The following CDC20B variants were observed in gnomAD, a reference collection of about 807,000 sequenced individuals.
CDC20B encodes cell division cycle protein 20 homolog B.
In CDC20B, 58 loss-of-function variants were observed where a neutral mutation model predicts 64.1. That is an observed-to-expected ratio of 0.90 (90% CI 0.73 to 1.13). The LOEUF is 1.13. CDC20B is among the 50% of genes most tolerant of loss of function. The pLI is 0.00. For synonymous variants in CDC20B, 243 were observed against 230.6 expected (o/e 1.05, Z -0.49); for missense variants, 597 against 633.0 (o/e 0.94, Z 0.61).
At chr5:55,148,855 T>C (rs1743579192) in intron 2 of CDC20B, among the ~76,000 whole-genome samples, 1 of 152,210 alleles carries the variant, frequency 6.6e-6, no homozygotes, top group East Asian at 1.9e-4. Context: ...GCAGATCTTA[T>C]TTACGCCCAT....
intron 2 of CDC20B, among the ~76,000 whole-genome samples, chr5:55,169,937 C>A (rs1371257574): frequency 6.6e-6 from 1 of 152,080 alleles, no homozygotes; most frequent in African/African-American, 2.4e-5. Flanking sequence ...CACGGTGAAA[C>A]CCCGTCTCTA....
chr5:55,146,163 T>C (rs1250543303), intron 3 of CDC20B, among the ~76,000 whole-genome samples: 1 of 152,160 alleles, frequency 6.6e-6, no homozygotes, highest in African/African-American at 2.4e-5. Context: ...GGATGTAAAC[T>C]AACTGAAAGC....
intron 2 of CDC20B, among the ~76,000 whole-genome samples, chr5:55,149,992 G>A (rs1743615696): frequency 6.6e-6 from 1 of 152,086 alleles, no homozygotes; most frequent in Non-Finnish European, 1.5e-5. Flanking sequence ...AAATTAGCCA[G>A]CCGTGGTGGC....
intron 2 of CDC20B, chr5:55,161,298 T>C: frequency 1.3e-6 from 2 of 1,550,196 alleles, no homozygotes; most frequent in Non-Finnish European, 1.8e-6. Context: ...TTGCTTTTCA[T>C]TTTTAAACAA....
At chr5:55,129,271 T>G (rs1222402429) in intron 6 of CDC20B, among the ~76,000 whole-genome samples, 2 of 152,078 alleles carry the variant, frequency 1.3e-5, no homozygotes, top group African/African-American at 4.8e-5. Context: ...TCCGTCCCCA[T>G]GATAAATATA....
At chr5:55,157,256 A>C (rs1743838206) in intron 2 of CDC20B, among the ~76,000 whole-genome samples, 1 of 152,216 alleles carries the variant, frequency 6.6e-6, no homozygotes. Context: ...GAGTTAGTAT[A>C]GACAGAACAT....
At chr5:55,138,740 A>C (rs1373780871) in intron 5 of CDC20B, among the ~76,000 whole-genome samples, 1 of 151,988 alleles carries the variant, frequency 6.6e-6, no homozygotes, top group Non-Finnish European at 1.5e-5. Flanking sequence ...TGTAAAAAAA[A>C]AAAAAGGAAC....
At chr5:55,170,406 T>C in intron 2 of CDC20B, 1 of 402,596 alleles carries the variant, frequency 2.5e-6, no homozygotes, top group Non-Finnish European at 5.2e-6. Flanking sequence ...AAACTGTGCA[T>C]TGTAAGTATT....
At chr5:55,163,390 A>C (rs148601699) in intron 2 of CDC20B, among the ~76,000 whole-genome samples, 1 of 152,042 alleles carries the variant, frequency 6.6e-6, no homozygotes, top group African/African-American at 2.4e-5. Flanking sequence ...TAAGGTGATT[A>C]TTCACTTTGG....
chr5:55,125,872 C>T (rs1034198348), intron 8 of CDC20B, among the ~76,000 whole-genome samples: 3 of 152,170 alleles, frequency 2.0e-5, no homozygotes, highest in African/African-American at 7.2e-5. Context: ...AACCATGTGA[C>T]TTCAGGCTAG....
At chr5:55,146,302 C>T (rs1743472548) in intron 3 of CDC20B, among the ~76,000 whole-genome samples, 1 of 152,202 alleles carries the variant, frequency 6.6e-6, no homozygotes, top group Admixed American at 6.5e-5. Context: ...CTACGCACTT[C>T]CAATTCCTAT....
At chr5:55,119,344 AG>A (rs1487453905) in intron 11 of CDC20B, among the ~76,000 whole-genome samples, 4 of 152,160 alleles carry the variant, frequency 2.6e-5, no homozygotes, top group Admixed American at 6.5e-5. Flanking sequence ...ACCCAGTAAA[AG>A]TTTGTAGAAC....
At chr5:55,145,299 T>C (rs1246668035) in intron 3 of CDC20B, among the ~76,000 whole-genome samples, 1 of 152,256 alleles carries the variant, frequency 6.6e-6, no homozygotes, top group African/African-American at 2.4e-5. Context: ...GGGAATTTCA[T>C]TGATTTGAAA....
rs556719297 is a variant in CDC20B at position 55,124,982 on chromosome 5, G to C, written c.1036C>G (p.Gln346Glu). Residue 346 changes from glutamine to glutamate, a missense_variant, in exon 9 of 12, where the codon CAG (glutamine) becomes GAG (glutamate). Gln to Glu is a conservative substitution (Grantham distance 29). Coordinates refer to ENST00000381375, the MANE Select transcript of CDC20B (RefSeq NM_001170402.1). The stretch of plus-strand genomic sequence containing the variant: ...TGGCGAAGTGTTCCAACATGATGCT[G>C]GGCTACCCGAACATCGTGATGATAA... Reference protein sequence around the residue: ...RVYHHDVRVAQHHVGTLRHKQ... With the variant: ...RVYHHDVRVAEHHVGTLRHKQ... 1.9e-6 allele frequency: 3 copies of C among 1,613,952 alleles called. No individual in the cohort carries two copies. In the South Asian group the frequency reaches 3.3e-5, roughly 18 times the overall value.
At chr5:55,158,873 GAAA>G (rs1370979821) in intron 2 of CDC20B, among the ~76,000 whole-genome samples, 1 of 152,134 alleles carries the variant, frequency 6.6e-6, no homozygotes, top group African/African-American at 2.4e-5. Flanking sequence ...GAAATAAAGA[GAAA>G]AAACGAAGCA....
chr5:55,125,729 C>T (rs957331049), intron 8 of CDC20B, among the ~76,000 whole-genome samples: 3 of 152,164 alleles, frequency 2.0e-5, no homozygotes, highest in Admixed American at 2.0e-4. Context: ...AATGATGTTC[C>T]ACAATTATTT....
intron 2 of CDC20B, among the ~76,000 whole-genome samples, chr5:55,163,488 AC>A (rs1172376013): frequency 6.6e-6 from 1 of 152,070 alleles, no homozygotes; most frequent in Admixed American, 6.5e-5. Context: ...TGGGATTACA[AC>A]TTTGCTTCAT....
intron 2 of CDC20B, chr5:55,163,987 C>T (rs72766156): frequency 3.5e-5 from 42 of 1,184,986 alleles, no homozygotes; most frequent in Non-Finnish European, 5.0e-5. Flanking sequence ...TATGCAGATA[C>T]TAATAGAAGT....
intron 2 of CDC20B, among the ~76,000 whole-genome samples, chr5:55,153,049 G>A (rs894299308): frequency 1.3e-5 from 2 of 151,862 alleles, no homozygotes; most frequent in Non-Finnish European, 2.9e-5. Context: ...GACCAGCCTC[G>A]ACAATGTGGC....
Sources: allele counts gnomAD v4.1 joint callset (sites outside exome capture counted in the v4.1 genomes callset), GRCh38; gene constraint gnomAD v4.1.1; transcripts MANE v1.5; gene names NCBI Gene and HGNC (gene_info 2026-07-23, HGNC 2026-07-21).